LINGO2: variants seen among roughly 807,000 people sequenced by gnomAD.
The protein encoded by LINGO2 is leucine-rich repeat and immunoglobulin-like domain-containing nogo receptor-interacting protein 2.
A neutral mutation model predicts 30.6 loss-of-function variants in LINGO2; 14 were observed. That is an observed-to-expected ratio of 0.46 (90% CI 0.30 to 0.72). The LOEUF (loss-of-function observed/expected upper bound fraction) is 0.72. Ranked by LOEUF, LINGO2 falls within the 30% of genes least tolerant of loss-of-function variation. The probability of loss-of-function intolerance (pLI) is 0.07; values close to 1 mark genes in which losing one functional copy is unlikely to be tolerated. For synonymous variants in LINGO2, 317 were observed against 288.5 expected (o/e 1.10, Z -1.00); for missense variants, 729 against 751.7 (o/e 0.97, Z 0.35).
At chr9:28,033,271 T>C (rs1823770097) in intron 4 of LINGO2, among the ~76,000 whole-genome samples, 1 of 152,136 alleles carries the variant, frequency 6.6e-6, no homozygotes, top group Non-Finnish European at 1.5e-5. Flanking sequence ...GAACTATACA[T>C]GTTACATTCC....
At chr9:28,055,718 T>C (rs1251614914) in intron 4 of LINGO2, among the ~76,000 whole-genome samples, 1 of 152,192 alleles carries the variant, frequency 6.6e-6, no homozygotes, top group Non-Finnish European at 1.5e-5. Flanking sequence ...TTAAAATTCT[T>C]TAAAAGATAT....
intron 4 of LINGO2, among the ~76,000 whole-genome samples, chr9:28,040,786 CAG>C (rs1824166248): frequency 9.5e-6 from 1 of 105,400 alleles, no homozygotes; most frequent in African/African-American, 3.5e-5. Context: ...AACAGACTAA[CAG>C]AGCCAGTATT....
intron 1 of LINGO2, among the ~76,000 whole-genome samples, chr9:28,490,895 G>A (rs142602973): frequency 1.3e-5 from 2 of 151,852 alleles, no homozygotes; most frequent in Admixed American, 6.6e-5. Context: ...TATATCAAAG[G>A]GTGTATGTAA....
the LINGO2 span, among the ~76,000 whole-genome samples, chr9:28,974,834 G>C: frequency 6.6e-6 from 1 of 151,950 alleles, no homozygotes; most frequent in Admixed American, 6.6e-5. Flanking sequence ...TTTTAAAGAT[G>C]AGAAAATCCT....
the LINGO2 span, among the ~76,000 whole-genome samples, chr9:28,879,414 T>C: frequency 1.3e-5 from 2 of 152,268 alleles, no homozygotes; most frequent in Admixed American, 6.6e-5. Context: ...TATCCTTCAA[T>C]AGTGATAATA....
the LINGO2 span, among the ~76,000 whole-genome samples, chr9:28,749,790 C>T: frequency 6.6e-6 from 1 of 151,870 alleles, no homozygotes; most frequent in Non-Finnish European, 1.5e-5. Flanking sequence ...AGAATGAGTA[C>T]GTGAAAAGAG....
At position 28,372,553 on chromosome 9, in the gene LINGO2, T is replaced by C. The variant is rs1489822404; in HGVS notation, c.-246+283A>G. Among the ~76,000 whole-genome samples the C allele has an allele frequency of 3.9e-5, 6 of 152,224 alleles. No homozygotes were observed. The East Asian group carries it at 1.2e-3, about 29-fold the overall frequency. ...TAGTCAAAGGGTACAAAATTTCAGT[T>C]AGACAAGAAGAATAGGCTTTTTTTC... On this transcript the variant is annotated intron_variant, in intron 3 of 5. Transcript: ENST00000379992.
chr9:28,373,234 A>G (rs1820973249), intron 2 of LINGO2, among the ~76,000 whole-genome samples: 3 of 152,176 alleles, frequency 2.0e-5, no homozygotes, highest in Admixed American at 2.0e-4. Flanking sequence ...CATCATGATA[A>G]GATTTTTGAT....
At chr9:28,492,025 TCA>T (rs1229381005) in intron 1 of LINGO2, among the ~76,000 whole-genome samples, 1 of 152,190 alleles carries the variant, frequency 6.6e-6, no homozygotes, top group Non-Finnish European at 1.5e-5. Context: ...AGTACTAAGC[TCA>T]CAGAAAATTT....
chr9:27,987,552 T>C (rs1273365093), intron 5 of LINGO2, among the ~76,000 whole-genome samples: 2 of 151,906 alleles, frequency 1.3e-5, no homozygotes, highest in Non-Finnish European at 2.9e-5. Context: ...TTAGATTAAA[T>C]AAACAAGATA....
At chr9:28,748,605 C>T in the LINGO2 span, among the ~76,000 whole-genome samples, 92 of 152,088 alleles carry the variant, frequency 6.0e-4, no homozygotes, top group Non-Finnish European at 1.1e-3. Context: ...CTAATATTTT[C>T]ATAAACTCAT....
chr9:28,488,581 C>T (rs986778729), intron 1 of LINGO2, among the ~76,000 whole-genome samples: 1 of 152,088 alleles, frequency 6.6e-6, no homozygotes, highest in African/African-American at 2.4e-5. Context: ...TAAGTCAACC[C>T]TTTCTCATTT....
At chr9:28,370,945 T>G (rs940339660) in intron 3 of LINGO2, among the ~76,000 whole-genome samples, 10 of 152,198 alleles carry the variant, frequency 6.6e-5, no homozygotes, top group Non-Finnish European at 1.5e-5. Flanking sequence ...GGGCTTCCCT[T>G]TTATAAGAAG....
chr9:28,889,695 T>C, the LINGO2 span, among the ~76,000 whole-genome samples: 1 of 152,062 alleles, frequency 6.6e-6, no homozygotes, highest in Non-Finnish European at 1.5e-5. Flanking sequence ...AAACAAATGG[T>C]TAATTTGCCC....
the LINGO2 span, among the ~76,000 whole-genome samples, chr9:29,014,748 C>T: frequency 6.6e-5 from 10 of 152,220 alleles, no homozygotes; most frequent in African/African-American, 2.4e-4. Flanking sequence ...AAGCTGGGGA[C>T]TTGGTACTGC....
chr9:28,893,614 A>AAAT, the LINGO2 span, among the ~76,000 whole-genome samples: 128,979 of 151,516 alleles, frequency 0.85, 55,073 homozygotes, highest in Non-Finnish European at 0.89. Context: ...TGATGGAAGA[A>AAAT]AATATCTTAT....
chr9:28,330,702 C>A (rs1027216647), intron 3 of LINGO2, among the ~76,000 whole-genome samples: 1 of 152,108 alleles, frequency 6.6e-6, no homozygotes, highest in Admixed American at 6.5e-5. Flanking sequence ...ACATGGTGGG[C>A]AGGTCTAAAG....
At chr9:28,040,648 G>A (rs1824159920) in intron 4 of LINGO2, among the ~76,000 whole-genome samples, 1 of 152,070 alleles carries the variant, frequency 6.6e-6, no homozygotes, top group Non-Finnish European at 1.5e-5. Flanking sequence ...TACATTGAGT[G>A]TCTACTACCT....
At chr9:28,781,479 A>G in the LINGO2 span, among the ~76,000 whole-genome samples, 1 of 152,206 alleles carries the variant, frequency 6.6e-6, no homozygotes. Context: ...ATAGCAAAAC[A>G]AAATCATTAA....
Sources: gnomAD v4.1 joint callset for allele counts (sites outside exome capture counted in the v4.1 genomes callset) on GRCh38, gnomAD v4.1.1 for gene constraint, MANE v1.5 for transcripts, NCBI Gene and HGNC (gene_info 2026-07-23, HGNC 2026-07-21) for gene names.